Variants in MYLK observed in about 807,000 individuals in gnomAD.
MYLK encodes myosin light chain kinase, smooth muscle.
Under a neutral mutation model 203.4 loss-of-function variants are expected in MYLK, and 106 were observed. The observed-to-expected ratio is 0.52, with a 90% CI of 0.45 to 0.61. The LOEUF (loss-of-function observed/expected upper bound fraction) is 0.61, where lower values mean the gene tolerates loss of function less well. MYLK is among the 20% of genes least tolerant of loss of function. MYLK has a pLI of 0.00. For synonymous variants in MYLK, 867 were observed against 959.5 expected (o/e 0.90, Z 1.78); for missense variants, 2,072 against 2,442.3 (o/e 0.85, Z 3.20).
At chr3:123,883,628 C>G (rs113421141) in intron 1 of MYLK, among the ~76,000 whole-genome samples, 152 of 152,288 alleles carry the variant, frequency 1.0e-3, no homozygotes, top group African/African-American at 3.4e-3. Flanking sequence ...TTTCCAACTG[C>G]AATCATCGGC....
At chr3:123,787,771 C>T (rs1194783059) in intron 4 of MYLK, among the ~76,000 whole-genome samples, 1 of 152,150 alleles carries the variant, frequency 6.6e-6, no homozygotes, top group African/African-American at 2.4e-5. Context: ...AAGCCTAGCA[C>T]CAATAAGCCA....
chr3:123,767,884 C>A (rs1204330638), intron 4 of MYLK, among the ~76,000 whole-genome samples: 1 of 152,204 alleles, frequency 6.6e-6, no homozygotes, highest in Admixed American at 6.5e-5. Context: ...TTAAAAGGGC[C>A]AGCTTCGGGT....
chr3:123,746,286 CT>C (rs2063013603), intron 5 of MYLK, among the ~76,000 whole-genome samples: 2 of 143,018 alleles, frequency 1.4e-5, no homozygotes, highest in South Asian at 5.0e-4. Context: ...GGAGTTTGAG[CT>C]TTATTGTTCT....
intron 3 of MYLK, among the ~76,000 whole-genome samples, chr3:123,800,490 T>G (rs892056418): frequency 5.3e-5 from 8 of 152,114 alleles, no homozygotes; most frequent in Non-Finnish European, 2.9e-5. Flanking sequence ...GTGTTTCTCA[T>G]AAGGAACTGC....
chr3:123,883,349 A>G (rs1290772755), intron 1 of MYLK, among the ~76,000 whole-genome samples: 3 of 152,024 alleles, frequency 2.0e-5, no homozygotes, highest in Admixed American at 2.0e-4. Flanking sequence ...CACAACAGCT[A>G]ATTTTACTCC....
chr3:123,736,703 T>C (rs1049048155), intron 8 of MYLK, among the ~76,000 whole-genome samples: 6 of 151,998 alleles, frequency 3.9e-5, no homozygotes, highest in Non-Finnish European at 8.8e-5. Flanking sequence ...AAAGACAGAG[T>C]AAATTATCAG....
chr3:123,844,643 A>G (rs1282576777), intron 2 of MYLK, among the ~76,000 whole-genome samples: 1 of 152,060 alleles, frequency 6.6e-6, no homozygotes, highest in Non-Finnish European at 1.5e-5. Context: ...GCAGGCATAC[A>G]TTCTACAACT....
In MYLK at chr3:123,682,252, G is replaced by T. The variant is rs2060292871; in HGVS notation, c.3624C>A (p.Ser1208Arg). ...CAGTTCCTAGCACGGGAGGAAGAGA[G>T]CTCTTGGGCCTCCGGGATTTCATCT... ...APEMKSRRPK[S>R]SLPPVLGTES... Residue 1208 changes from serine to arginine, a missense_variant, in exon 20 of 34, where the codon AGC (serine) becomes AGA (arginine). Physicochemically the swap from Ser to Arg is moderately radical, Grantham distance 110 (BLOSUM62 -1). This residue lies in a region of MYLK where 865 missense variants were observed against 1,016.0 expected (regional missense o/e 0.85). Transcript: ENST00000360304. The T allele has an allele frequency of 1.2e-6, 2 of 1,603,650 alleles. No homozygotes were observed. Among genetic ancestry groups the T allele is most frequent in the Non-Finnish European group, 1.7e-6 (2 of 1,175,372 alleles).
At chr3:123,820,451 C>T (rs1438548090) in intron 3 of MYLK, among the ~76,000 whole-genome samples, 4 of 152,158 alleles carry the variant, frequency 2.6e-5, no homozygotes, top group African/African-American at 9.7e-5. Flanking sequence ...CATGGCTCCA[C>T]GTCTTTTTCA....
chr3:123,707,464 C>G (rs942205166), intron 16 of MYLK, among the ~76,000 whole-genome samples: 2 of 152,236 alleles, frequency 1.3e-5, no homozygotes, highest in Admixed American at 1.3e-4. Context: ...CAACTTTGAT[C>G]CATTCCTCCT....
At chr3:123,822,862 T>C (rs2109306985) in intron 3 of MYLK, among the ~76,000 whole-genome samples, 1 of 152,228 alleles carries the variant, frequency 6.6e-6, no homozygotes, top group South Asian at 2.1e-4. Flanking sequence ...AAACGTCACT[T>C]CAGGCCTCAA....
intron 3 of MYLK, among the ~76,000 whole-genome samples, chr3:123,815,744 CG>C (rs1273363258): frequency 6.6e-6 from 1 of 152,154 alleles, no homozygotes; most frequent in East Asian, 1.9e-4. Context: ...TACCGCTTAA[CG>C]TAAATAATTT....
Position 123,778,157 on chromosome 3 carries a change from C to T in MYLK, c.165+15520G>A, listed in dbSNP as rs1020911815. 4.0e-5 allele frequency among the ~76,000 whole-genome samples: 6 copies of T among 151,740 alleles called. No individual in the cohort carries two copies. In the South Asian group the frequency reaches 6.2e-4, roughly 16 times the overall value. On this transcript the variant is annotated intron_variant, in intron 4 of 33. Coordinates refer to ENST00000360304, the MANE Select transcript of MYLK (RefSeq NM_053025.4). ...GGGTAATATCATCCCTAAGGGGGGGCGATAATTGGTTCTCAGGAGTAAGGG... is the reference window on the plus strand; with the variant it reads ...GGGTAATATCATCCCTAAGGGGGGGTGATAATTGGTTCTCAGGAGTAAGGG...
chr3:123,661,567 C>T (rs1035445168), intron 23 of MYLK, among the ~76,000 whole-genome samples: 2 of 152,162 alleles, frequency 1.3e-5, no homozygotes, highest in African/African-American at 2.4e-5. Flanking sequence ...CCTTTGTACA[C>T]CAGTCTTCCC....
intron 21 of MYLK, among the ~76,000 whole-genome samples, chr3:123,666,735 A>G (rs2059746783): frequency 6.6e-6 from 1 of 152,232 alleles, no homozygotes; most frequent in Non-Finnish European, 1.5e-5. Flanking sequence ...AGTGTCATCC[A>G]ATGGAAAACA....
intron 18 of MYLK, among the ~76,000 whole-genome samples, chr3:123,693,796 A>T (rs1384935036): frequency 2.6e-5 from 4 of 152,220 alleles, no homozygotes; most frequent in Non-Finnish European, 5.9e-5. Context: ...GCCAGGCAGA[A>T]GGGCAGCAGT....
chr3:123,655,991 T>C (rs1235993383), intron 24 of MYLK, among the ~76,000 whole-genome samples: 1 of 152,182 alleles, frequency 6.6e-6, no homozygotes, highest in African/African-American at 2.4e-5. Context: ...CCAGTTCTCT[T>C]CCTCAACTCA....
intron 2 of MYLK, among the ~76,000 whole-genome samples, chr3:123,857,906 G>T (rs1328083156): frequency 6.6e-6 from 1 of 152,154 alleles, no homozygotes; most frequent in Non-Finnish European, 1.5e-5. Context: ...CCTACACTGG[G>T]CCTGTCACCC....
At chr3:123,694,339 T>C (rs959615617) in intron 18 of MYLK, among the ~76,000 whole-genome samples, 2 of 152,114 alleles carry the variant, frequency 1.3e-5, no homozygotes, top group African/African-American at 2.4e-5. Context: ...GAAACTGTAA[T>C]GGAGAGGATT....
Sources: gnomAD v4.1 joint callset for allele counts (sites outside exome capture counted in the v4.1 genomes callset) on GRCh38, gnomAD v4.1.1 for gene constraint, gnomAD v4.1.1 regional missense constraint, MANE v1.5 for transcripts, NCBI Gene and HGNC (gene_info 2026-07-23, HGNC 2026-07-21) for gene names.